Variants in MROH9 observed in about 807,000 individuals in gnomAD.
MROH9 encodes maestro heat-like repeat-containing protein family member 9.
MROH9 carries 92 observed loss-of-function variants against 98.2 expected under a neutral mutation model. The observed-to-expected ratio is 0.94, with a 90% CI of 0.79 to 1.11. The LOEUF (loss-of-function observed/expected upper bound fraction) is 1.11. Among genes scored for constraint, MROH9 ranks in the 50% most tolerant of loss-of-function variants. The probability of loss-of-function intolerance (pLI) is 0.00; values close to 1 mark genes in which losing one functional copy is unlikely to be tolerated. For missense variants in MROH9, 1,057 were observed against 1,014.8 expected (o/e 1.04, Z -0.57); for synonymous variants, 397 against 368.9 (o/e 1.08, Z -0.87).
chr1:170,986,001 T>C (rs1651119253), intron 9 of MROH9, among the ~76,000 whole-genome samples: 2 of 152,176 alleles, frequency 1.3e-5, no homozygotes, highest in African/African-American at 2.4e-5. Context: ...GGCTCGTTTA[T>C]CTTTCTTTGA....
chr1:171,005,840 C>T (rs1259985290), intron 15 of MROH9, among the ~76,000 whole-genome samples: 3 of 152,150 alleles, frequency 2.0e-5, no homozygotes, highest in African/African-American at 7.2e-5. Flanking sequence ...TACCTGCTCC[C>T]ATTTTATTCT....
In MROH9 at chr1:171,024,359, A is replaced by G. The variant is rs1319950359; in HGVS notation, c.1909-36A>G. 15 of 1,538,688 alleles carry G rather than the reference A, an allele frequency of 9.7e-6. No homozygotes were observed. The East Asian group carries it at 3.7e-4, about 38-fold the overall frequency. On this transcript the variant is annotated intron_variant, in intron 17 of 21. Coordinates refer to ENST00000367759, the MANE Select transcript of MROH9 (RefSeq NM_001163629.2). ...ATTACTGATTGAAGAAAAAAGCCCT[A>G]ATATTATCCTCAAATAAGGCCTTTG... is the stretch of plus-strand genomic sequence containing the variant.
chr1:170,964,829 A>G (rs1029791518), intron 6 of MROH9, among the ~76,000 whole-genome samples: 6 of 152,102 alleles, frequency 3.9e-5, no homozygotes, highest in African/African-American at 1.2e-4. Flanking sequence ...TGAAAGAAAA[A>G]GAGGAGGCAA....
chr1:170,946,996 A>T (rs1649355300), intron 2 of MROH9, among the ~76,000 whole-genome samples: 1 of 151,950 alleles, frequency 6.6e-6, no homozygotes, highest in Non-Finnish European at 1.5e-5. Flanking sequence ...TGGTCCTTCC[A>T]GAAATGGTAA....
rs73040212 is a variant in MROH9, at chr1:171,030,281, A to G, written c.2281+4861A>G. Reference sequence around the variant, plus strand: ...TTTTTGGAGGGCTTTTCGTGTCTCTATCTAGTTCAGTTCTTTTCTGGTCTT... The same window carrying G: ...TTTTTGGAGGGCTTTTCGTGTCTCTGTCTAGTTCAGTTCTTTTCTGGTCTT... On this transcript the variant is annotated intron_variant, in intron 20 of 21. Coordinates refer to ENST00000367759, the MANE Select transcript of MROH9 (RefSeq NM_001163629.2). Among the ~76,000 whole-genome samples the G allele has an allele frequency of 8.6e-5, 13 of 151,832 alleles. No homozygotes were observed. In the East Asian group the frequency reaches 2.3e-3, roughly 27 times the overall value.
intron 20 of MROH9, 36 bp from the exon 21 acceptor site, chr1:171,062,096 A>G (rs1654033122): frequency 1.5e-6 from 2 of 1,307,454 alleles, no homozygotes; most frequent in Non-Finnish European, 2.2e-6. Context: ...TTCATAATGC[A>G]TGTTGCAGTA....
chr1:170,951,367 C>G (rs972965602), intron 3 of MROH9, among the ~76,000 whole-genome samples: 2 of 152,120 alleles, frequency 1.3e-5, no homozygotes, highest in East Asian at 3.8e-4. Flanking sequence ...AAAAACTGGA[C>G]TACCATTCCA....
chr1:170,957,809 TG>T lies in MROH9; in HGVS notation c.73-651del, dbSNP rs1310337695. ...GGCATTTTTTTGTTTTTTTTTTTTT[TG>T]TTTGTTTGTTTTTTTTGAGACAGAG... On this transcript the variant is annotated intron_variant, in intron 3 of 21. Coordinates refer to ENST00000367759, the MANE Select transcript of MROH9 (RefSeq NM_001163629.2). Among the ~76,000 whole-genome samples, 237 of 133,876 alleles carry T rather than the reference TG, an allele frequency of 1.8e-3. 2 individuals are homozygous for T. The highest frequency in any genetic ancestry group is 2.7e-3 in the Non-Finnish European group (164 of 60,246). 87.8% of individuals were successfully genotyped at this position (133,876 alleles called of 152,430 possible). A position where few individuals can be genotyped will look rare whatever the true frequency, so the allele number is the denominator to read the frequency against.
chr1:171,045,026 G>A (rs1653424261), intron 20 of MROH9, among the ~76,000 whole-genome samples: 1 of 59,014 alleles, frequency 1.7e-5, no homozygotes, highest in Non-Finnish European at 3.1e-5. Context: ...TTTTGAGATG[G>A]AGTCTCGCTC....
intron 12 of MROH9, among the ~76,000 whole-genome samples, chr1:170,993,167 A>G (rs530319637): frequency 3.3e-5 from 5 of 152,292 alleles, no homozygotes; most frequent in African/African-American, 1.2e-4. Flanking sequence ...AACTGTAATG[A>G]CAGGTTTGGA....
chr1:171,056,037 C>T (rs1346088588), intron 20 of MROH9, among the ~76,000 whole-genome samples: 1 of 152,162 alleles, frequency 6.6e-6, no homozygotes, highest in Non-Finnish European at 1.5e-5. Context: ...GAACCCACAC[C>T]ACCGGGGCCT....
chr1:170,941,103 T>C (rs1649103644), intron 1 of MROH9, among the ~76,000 whole-genome samples: 1 of 152,182 alleles, frequency 6.6e-6, no homozygotes, highest in Non-Finnish European at 1.5e-5. Context: ...CCTCCCTAGT[T>C]CCCTATTCTG....
intron 3 of MROH9, among the ~76,000 whole-genome samples, chr1:170,951,014 G>A (rs1424199772): frequency 6.6e-6 from 1 of 151,890 alleles, no homozygotes; most frequent in Non-Finnish European, 1.5e-5. Context: ...TGGGAGAGGG[G>A]TCCTAATGAA....
intron 3 of MROH9, among the ~76,000 whole-genome samples, chr1:170,952,513 C>G (rs567875035): frequency 0.041 from 6,155 of 149,774 alleles, 372 homozygotes; most frequent in African/African-American, 0.13. Flanking sequence ...AAAAACCAAA[C>G]ACTGCATGTT....
chr1:170,944,703 A>T (rs191700817), intron 1 of MROH9, among the ~76,000 whole-genome samples: 8 of 152,224 alleles, frequency 5.3e-5, no homozygotes, highest in Admixed American at 5.2e-4. Context: ...TAAATGCATC[A>T]CATTATGAAA....
intron 16 of MROH9, 114 bp downstream of exon 16, chr1:171,014,368 T>C: frequency 1.1e-6 from 1 of 930,090 alleles, no homozygotes. Flanking sequence ...TCTATATAAC[T>C]AAAACATATC....
At chr1:170,980,403 A>T (rs1347957784) in intron 8 of MROH9, among the ~76,000 whole-genome samples, 1 of 152,146 alleles carries the variant, frequency 6.6e-6, no homozygotes, top group African/African-American at 2.4e-5. Context: ...CCAATGGAAC[A>T]TTGGTGCTGG....
At chr1:171,061,343 C>A (rs1034295739) in intron 20 of MROH9, among the ~76,000 whole-genome samples, 1 of 152,036 alleles carries the variant, frequency 6.6e-6, no homozygotes, top group Admixed American at 6.6e-5. Context: ...TAAGCATACC[C>A]GGTAAATCCA....
At chr1:171,041,330 C>A (rs1653289669) in intron 20 of MROH9, among the ~76,000 whole-genome samples, 1 of 134,296 alleles carries the variant, frequency 7.4e-6, no homozygotes, top group African/African-American at 2.8e-5. Flanking sequence ...TTTTTTATGG[C>A]TGAGTAGTAT....
Sources: allele counts gnomAD v4.1 joint callset (sites outside exome capture counted in the v4.1 genomes callset), GRCh38; gene constraint gnomAD v4.1.1; transcripts MANE v1.5; gene names NCBI Gene and HGNC (gene_info 2026-07-23, HGNC 2026-07-21).